The following JAKMIP2 variants were observed in gnomAD, a reference collection of about 807,000 sequenced individuals.
The protein encoded by JAKMIP2 is janus kinase and microtubule-interacting protein 2.
JAKMIP2 carries 25 observed loss-of-function variants against 115.0 expected under a neutral mutation model. That is an observed-to-expected ratio of 0.22 (90% confidence interval 0.16 to 0.30). The LOEUF (loss-of-function observed/expected upper bound fraction) is 0.30, where lower values mean the gene tolerates loss of function less well. Among genes scored for constraint, JAKMIP2 ranks in the 10% least tolerant of loss-of-function variants. JAKMIP2 has a pLI of 1.00. For synonymous variants in JAKMIP2, 334 were observed against 343.6 expected (o/e 0.97, Z 0.31); for missense variants, 642 against 957.6 (o/e 0.67, Z 4.35).
At chr5:147,642,857 A>G (rs1460730383) in intron 7 of JAKMIP2, among the ~76,000 whole-genome samples, 3 of 152,162 alleles carry the variant, frequency 2.0e-5, no homozygotes, top group African/African-American at 7.2e-5. Context: ...TGGGAAAGGT[A>G]GACTCACCCT....
chr5:147,688,214 T>C (rs888232333), intron 1 of JAKMIP2, among the ~76,000 whole-genome samples: 1 of 152,204 alleles, frequency 6.6e-6, no homozygotes, highest in African/African-American at 2.4e-5. Flanking sequence ...CACAAGGCTA[T>C]GTATCATTCA....
intron 1 of JAKMIP2, among the ~76,000 whole-genome samples, chr5:147,675,483 T>A (rs1488240176): frequency 6.6e-6 from 1 of 152,132 alleles, no homozygotes; most frequent in Non-Finnish European, 1.5e-5. Context: ...CTTTTTTTTT[T>A]TTATTTTCAC....
At chr5:147,693,517 C>T (rs1254866572) in intron 1 of JAKMIP2, among the ~76,000 whole-genome samples, 3 of 151,818 alleles carry the variant, frequency 2.0e-5, no homozygotes, top group African/African-American at 7.3e-5. Context: ...CAGCAATGAA[C>T]AAAATAGGTG....
chr5:147,592,628 T>C (rs926896910), intron 21 of JAKMIP2, among the ~76,000 whole-genome samples: 3 of 152,216 alleles, frequency 2.0e-5, no homozygotes, highest in Non-Finnish European at 2.9e-5. Flanking sequence ...ACAACATGGA[T>C]AGAGAAAATG....
intron 1 of JAKMIP2, among the ~76,000 whole-genome samples, chr5:147,697,835 C>T (rs1045848357): frequency 1.3e-5 from 2 of 152,204 alleles, no homozygotes; most frequent in East Asian, 1.9e-4. Context: ...GGGCGGAGTC[C>T]TCATGGAGAA....
chr5:147,631,638 A>G (rs958704087), intron 13 of JAKMIP2, 127 bp from the exon 14 acceptor site: 24 of 560,760 alleles, frequency 4.3e-5, no homozygotes, highest in African/African-American at 2.7e-4. Flanking sequence ...AAAAAATTCA[A>G]TCTCAAGATG....
chr5:147,661,251 A>G lies in JAKMIP2; in HGVS notation c.324T>C (p.Asp108=), dbSNP rs2126781128. 6.2e-7 allele frequency: 1 copy of G among 1,613,948 alleles called. No individual in the cohort carries two copies. Among genetic ancestry groups the G allele is most frequent in the Non-Finnish European group, 8.5e-7 (1 of 1,179,994 alleles). Residue 108 remains aspartate, a synonymous_variant, in exon 3 of 22, where the codon GAT becomes GAC. Coordinates refer to ENST00000616793, the MANE Select transcript of JAKMIP2 (RefSeq NM_001270941.2). ...CAGACTTGAGCCTCTGGATCTCTCC[A>G]TCACGTACCTTCACCGTCCTTGACA... ...QEMSRTVKVR[D]GEIQRLKSAL...
intron 1 of JAKMIP2, among the ~76,000 whole-genome samples, chr5:147,687,439 T>C (rs1009206415): frequency 3.9e-5 from 6 of 152,254 alleles, no homozygotes; most frequent in Middle Eastern, 3.4e-3. Flanking sequence ...TCCAACTCCC[T>C]GGGAAAGACA....
intron 1 of JAKMIP2, among the ~76,000 whole-genome samples, chr5:147,759,585 G>A (rs1179936597): frequency 1.3e-5 from 2 of 152,120 alleles, no homozygotes; most frequent in East Asian, 3.9e-4. Context: ...ATGGTGTGAG[G>A]TGCTGGAGAG....
At chr5:147,621,538 T>C (rs1756846998) in intron 17 of JAKMIP2, among the ~76,000 whole-genome samples, 2 of 152,216 alleles carry the variant, frequency 1.3e-5, no homozygotes, top group Admixed American at 6.5e-5. Context: ...TTCCAGTACC[T>C]AGAACAGTGC....
intron 1 of JAKMIP2, among the ~76,000 whole-genome samples, chr5:147,745,830 C>T (rs1754329323): frequency 6.6e-6 from 1 of 152,068 alleles, no homozygotes; most frequent in South Asian, 2.1e-4. Context: ...TGTACTTTTA[C>T]TTTGTCAGAG....
At chr5:147,656,261 T>C (rs1758667398) in intron 3 of JAKMIP2, among the ~76,000 whole-genome samples, 1 of 152,208 alleles carries the variant, frequency 6.6e-6, no homozygotes, top group African/African-American at 2.4e-5. Flanking sequence ...TTCTATCACA[T>C]TGATCTGTCT....
chr5:147,626,454 A>T (rs144322492), intron 16 of JAKMIP2, among the ~76,000 whole-genome samples: 75 of 152,290 alleles, frequency 4.9e-4, no homozygotes, highest in African/African-American at 1.7e-3. Context: ...TTGGTGCAAG[A>T]CGTAAGATCA....
At chr5:147,704,235 T>C (rs940900757) in intron 1 of JAKMIP2, among the ~76,000 whole-genome samples, 4 of 152,180 alleles carry the variant, frequency 2.6e-5, no homozygotes, top group Non-Finnish European at 5.9e-5. Flanking sequence ...ATCAAATATA[T>C]ACTGTGCATC....
intron 1 of JAKMIP2, among the ~76,000 whole-genome samples, chr5:147,684,202 T>C (rs1259523185): frequency 6.6e-6 from 1 of 151,714 alleles, no homozygotes; most frequent in Non-Finnish European, 1.5e-5. Flanking sequence ...TCAACTAACT[T>C]TTAGACCATA....
intron 1 of JAKMIP2, among the ~76,000 whole-genome samples, chr5:147,711,199 G>C (rs1752765903): frequency 6.6e-6 from 1 of 152,118 alleles, no homozygotes; most frequent in South Asian, 2.1e-4. Flanking sequence ...TAGTATAAGG[G>C]GAAACATTCA....
chr5:147,628,717 C>T (rs535693752), intron 16 of JAKMIP2, 34 bp downstream of exon 16: 102 of 1,565,216 alleles, frequency 6.5e-5, no homozygotes, highest in Non-Finnish European at 8.4e-5. Context: ...AGCCAGACAC[C>T]GAGATGATTT....
intron 1 of JAKMIP2, among the ~76,000 whole-genome samples, chr5:147,763,137 T>C (rs957862247): frequency 1.3e-5 from 2 of 152,100 alleles, no homozygotes; most frequent in East Asian, 3.9e-4. Flanking sequence ...GGCAGCCAGT[T>C]TGTTCACTCC....
At chr5:147,668,761 A>G (rs972587903) in intron 2 of JAKMIP2, among the ~76,000 whole-genome samples, 1 of 152,204 alleles carries the variant, frequency 6.6e-6, no homozygotes, top group African/African-American at 2.4e-5. Context: ...TTATTGTCCC[A>G]TTTGACAGAT....
Sources: allele counts gnomAD v4.1 joint callset (sites outside exome capture counted in the v4.1 genomes callset), GRCh38; gene constraint gnomAD v4.1.1; transcripts MANE v1.5; gene names NCBI Gene and HGNC (gene_info 2026-07-23, HGNC 2026-07-21).